GRIP1: variants seen among roughly 807,000 people sequenced by gnomAD.
The protein encoded by GRIP1 is glutamate receptor interacting protein 1, also known as glutamate receptor-interacting protein 1.
In GRIP1, 45 loss-of-function variants were observed where a neutral mutation model predicts 129.9. The ratio of observed to expected loss-of-function variants is 0.35; its 90% CI spans 0.27 to 0.44. The LOEUF (loss-of-function observed/expected upper bound fraction) is 0.44, where lower values mean the gene tolerates loss of function less well. GRIP1 is among the 20% of genes least tolerant of loss of function. The pLI is 1.00. For synonymous variants in GRIP1, 530 were observed against 520.8 expected, an observed-to-expected ratio of 1.02 and a Z score of -0.24; for missense variants, 1,196 against 1,396.8, an observed-to-expected ratio of 0.86 and a Z score of 2.29.
At chr12:67,042,965 A>T (rs1008948) in intron 1 of GRIP1, among the ~76,000 whole-genome samples, 2 of 152,098 alleles carry the variant, frequency 1.3e-5, no homozygotes, top group Non-Finnish European at 2.9e-5. Context: ...ACTTGTCCAC[A>T]TGATAGCACA....
intron 7 of GRIP1, among the ~76,000 whole-genome samples, chr12:66,487,208 T>C (rs768948186): frequency 1.3e-5 from 2 of 152,116 alleles, no homozygotes; most frequent in Non-Finnish European, 2.9e-5. Context: ...TTGTCAGTAC[T>C]AATGTGAAGA....
At chr12:66,598,439 C>T (rs376728921) in intron 1 of GRIP1, among the ~76,000 whole-genome samples, 29 of 152,296 alleles carry the variant, frequency 1.9e-4, no homozygotes, top group East Asian at 1.7e-3. Context: ...CAATCAATAT[C>T]GCTTTTGCTT....
chr12:67,045,898 C>G (rs960989975), intron 1 of GRIP1, among the ~76,000 whole-genome samples: 8 of 152,192 alleles, frequency 5.3e-5, no homozygotes, highest in Non-Finnish European at 1.0e-4. Flanking sequence ...GTTAAAGAGA[C>G]TGCATCTGCA....
chr12:67,066,888 T>TTTATATATATATA (rs59891449), intron 1 of GRIP1, among the ~76,000 whole-genome samples: 1 of 125,662 alleles, frequency 8.0e-6, no homozygotes, highest in Non-Finnish European at 1.6e-5. Flanking sequence ...AAATATATAT[T>TTTATATATATATA]TATATATATA....
chr12:66,553,432 G>A (rs973111097), intron 2 of GRIP1, among the ~76,000 whole-genome samples: 1 of 151,756 alleles, frequency 6.6e-6, no homozygotes, highest in East Asian at 1.9e-4. Context: ...AGCAGTAAAT[G>A]ATGTAGACTT....
intron 1 of GRIP1, among the ~76,000 whole-genome samples, chr12:66,686,179 A>C (rs547316260): frequency 2.1e-4 from 32 of 152,176 alleles, no homozygotes; most frequent in Non-Finnish European, 3.7e-4. Context: ...TTTTGTGCCC[A>C]CCTTTCCAGA....
At chr12:66,542,938 C>T (rs1592519678) in intron 2 of GRIP1, among the ~76,000 whole-genome samples, 1 of 152,150 alleles carries the variant, frequency 6.6e-6, no homozygotes, top group Non-Finnish European at 1.5e-5. Context: ...AAAACAAACT[C>T]GCTCTTTCAA....
chr12:66,707,756 C>T (rs1429210936), intron 1 of GRIP1, among the ~76,000 whole-genome samples: 1 of 151,892 alleles, frequency 6.6e-6, no homozygotes, highest in Non-Finnish European at 1.5e-5. Flanking sequence ...TTTCAATGCC[C>T]TGTAATGCTG....
intron 5 of GRIP1, among the ~76,000 whole-genome samples, chr12:66,527,670 A>G (rs906635328): frequency 7.9e-5 from 12 of 152,150 alleles, no homozygotes; most frequent in African/African-American, 2.9e-4. Context: ...AACTTAAAGT[A>G]TAATAATAAC....
chr12:67,000,075 G>A (rs1260223426), intron 1 of GRIP1, among the ~76,000 whole-genome samples: 1 of 152,112 alleles, frequency 6.6e-6, no homozygotes, highest in Admixed American at 6.6e-5. Flanking sequence ...ATTTCTGTCA[G>A]GCATTACTCT....
At chr12:66,684,058 T>TA (rs534828309), upstream of GRIP1, among the ~76,000 whole-genome samples, 23 of 152,298 alleles carry the variant, frequency 1.5e-4, 1 homozygote, top group South Asian at 4.6e-3. Flanking sequence ...TGCAAAACGG[T>TA]AAAAATCATT....
chr12:67,003,561 T>C (rs1264565055), intron 1 of GRIP1, among the ~76,000 whole-genome samples: 2 of 151,810 alleles, frequency 1.3e-5, no homozygotes, highest in South Asian at 2.1e-4. Context: ...GGCTTGGCAG[T>C]GTACACCTGC....
intron 5 of GRIP1, among the ~76,000 whole-genome samples, chr12:66,528,483 T>C (rs2061339297): frequency 6.6e-6 from 1 of 152,128 alleles, no homozygotes; most frequent in African/African-American, 2.4e-5. Context: ...GAAATTGTTA[T>C]TATCAATGCC....
chr12:66,999,510 T>C (rs555432645), intron 1 of GRIP1, among the ~76,000 whole-genome samples: 13 of 152,278 alleles, frequency 8.5e-5, no homozygotes, highest in African/African-American at 3.1e-4. Flanking sequence ...TTTTTGTTAA[T>C]TGAATGAAAA....
intron 1 of GRIP1, among the ~76,000 whole-genome samples, chr12:67,021,211 T>C (rs1400471109): frequency 2.0e-5 from 3 of 152,180 alleles, no homozygotes; most frequent in African/African-American, 4.8e-5. Flanking sequence ...ATGTAAAATA[T>C]GTGCTTCATC....
intron 16 of GRIP1, among the ~76,000 whole-genome samples, chr12:66,404,931 C>T (rs926012857): frequency 1.3e-5 from 2 of 152,134 alleles, no homozygotes; most frequent in Non-Finnish European, 2.9e-5. Flanking sequence ...ACTCAGGAGG[C>T]TGAGGCACAA....
At chr12:66,632,172 G>A (rs1218934895) in intron 1 of GRIP1, among the ~76,000 whole-genome samples, 2 of 152,168 alleles carry the variant, frequency 1.3e-5, no homozygotes, top group Admixed American at 6.5e-5. Flanking sequence ...AAACCAAGGG[G>A]ACTGGAGTAT....
At chr12:67,000,444 G>A (rs1026812194) in intron 1 of GRIP1, among the ~76,000 whole-genome samples, 3 of 152,130 alleles carry the variant, frequency 2.0e-5, no homozygotes, top group Admixed American at 6.6e-5. Flanking sequence ...CTGCTAATGT[G>A]TCTAACCAAC....
chr12:66,787,483 C>A (rs1307163364), intron 1 of GRIP1, among the ~76,000 whole-genome samples: 27 of 152,114 alleles, frequency 1.8e-4, no homozygotes, highest in Non-Finnish European at 2.9e-5. Context: ...CCCTCCCCTG[C>A]AAATTCATAT....
Sources: allele counts gnomAD v4.1 joint callset (sites outside exome capture counted in the v4.1 genomes callset), GRCh38; gene constraint gnomAD v4.1.1; transcripts MANE v1.5; gene names NCBI Gene and HGNC (gene_info 2026-07-23, HGNC 2026-07-21).